SORCS2: variants seen among roughly 807,000 people sequenced by gnomAD.
SORCS2 encodes the protein VPS10 domain-containing receptor SorCS2.
A neutral mutation model predicts 141.6 loss-of-function variants in SORCS2; 100 were observed. That is an observed-to-expected ratio of 0.71 (90% confidence interval 0.60 to 0.83). The LOEUF (loss-of-function observed/expected upper bound fraction) is 0.83, where lower values mean the gene tolerates loss of function less well. Ranked by LOEUF, SORCS2 falls within the 40% of genes least tolerant of loss-of-function variation. The pLI, the probability that SORCS2 is intolerant of heterozygous loss-of-function variation, is 0.00. For missense variants in SORCS2, 1,646 were observed against 1,560.2 expected (o/e 1.05, Z -0.93); for synonymous variants, 789 against 676.9 (o/e 1.17, Z -2.57).
intron 1 of SORCS2, among the ~76,000 whole-genome samples, chr4:7,298,435 A>T (rs1179470400): frequency 6.6e-6 from 1 of 152,130 alleles, no homozygotes; most frequent in Non-Finnish European, 1.5e-5. Context: ...AACAGTGCAG[A>T]CTTTTCTGGA....
intron 23 of SORCS2, among the ~76,000 whole-genome samples, chr4:7,732,414 C>T (rs1478403405): frequency 6.6e-6 from 1 of 152,142 alleles, no homozygotes; most frequent in South Asian, 2.1e-4. Flanking sequence ...GGAGGAAGCC[C>T]TCCTCTGCGC....
At chr4:7,422,965 T>C (rs2109195552) in intron 2 of SORCS2, among the ~76,000 whole-genome samples, 1 of 152,024 alleles carries the variant, frequency 6.6e-6, no homozygotes, top group East Asian at 2.0e-4. Context: ...GGCCCTAGTA[T>C]GTACCCGCCC....
At position 7,653,250 on chromosome 4, in the gene SORCS2, AT is replaced by A. The variant is rs1006253530; in HGVS notation, c.814-874del. ...TTCCAAAGCTCCAACTAAAGACACA[AT>A]TTTTTTTTTCAGGTGGAGTTTTGCT... is the stretch of plus-strand genomic sequence containing the variant. On this transcript the variant is annotated intron_variant, in intron 4 of 26. Coordinates refer to ENST00000507866, the MANE Select transcript of SORCS2 (RefSeq NM_020777.3). 1.8e-3 allele frequency among the ~76,000 whole-genome samples: 277 copies of A among 150,710 alleles called. 3 individuals carry two copies. The highest frequency in any genetic ancestry group is 6.4e-3 in the African/African-American group (262 of 41,080).
rs139759183 is a variant in SORCS2 at position 7,734,805 on chromosome 4, G to A, written c.3311+431G>A. Among the ~76,000 whole-genome samples, 103 of 152,294 alleles carry A rather than the reference G, an allele frequency of 6.8e-4. 4 individuals are homozygous for A. Among genetic ancestry groups the A allele is most frequent in the Admixed American group, 6.5e-4 (10 of 15,304 alleles). On this transcript the variant is annotated intron_variant, in intron 25 of 26. Coordinates refer to ENST00000507866, the MANE Select transcript of SORCS2 (RefSeq NM_020777.3). ...GCCCACATCCCAGGGTTCCTCGGCC[G>A]CCCGCCCATCCCTTCCCTCCCCTCG... is the stretch of plus-strand genomic sequence containing the variant.
chr4:7,444,153 T>C (rs4345182), intron 2 of SORCS2, among the ~76,000 whole-genome samples: 16,481 of 152,296 alleles, frequency 0.11, 1,153 homozygotes, highest in Middle Eastern at 0.24. Context: ...TTCATACGCG[T>C]ATTCAGCAAT....
chr4:7,575,306 T>C (rs920534831), intron 3 of SORCS2, among the ~76,000 whole-genome samples: 2 of 152,262 alleles, frequency 1.3e-5, no homozygotes, highest in African/African-American at 4.8e-5. Context: ...TTTAGCAGTA[T>C]ATTTTATTTA....
At chr4:7,392,511 G>A (rs11737471) in intron 1 of SORCS2, among the ~76,000 whole-genome samples, 29,943 of 152,166 alleles carry the variant, frequency 0.2, 3,648 homozygotes, top group South Asian at 0.29. Context: ...GCTCTGTGCT[G>A]GGCTCACGGG....
intron 1 of SORCS2, among the ~76,000 whole-genome samples, chr4:7,199,555 G>C (rs889369729): frequency 2.6e-5 from 4 of 152,064 alleles, no homozygotes; most frequent in Admixed American, 1.3e-4. Flanking sequence ...GGTGTTTCCT[G>C]GCTGGGGTCC....
intron 2 of SORCS2, among the ~76,000 whole-genome samples, chr4:7,500,895 G>C (rs1178859075): frequency 2.0e-5 from 3 of 152,160 alleles, no homozygotes; most frequent in African/African-American, 7.2e-5. Context: ...TGAAACCCAG[G>C]ACAGAGCCCC....
chr4:7,730,578 C>T (rs775692239), intron 23 of SORCS2, among the ~76,000 whole-genome samples: 1 of 152,224 alleles, frequency 6.6e-6, no homozygotes, highest in Non-Finnish European at 1.5e-5. Flanking sequence ...GCCCTTGACA[C>T]CTCTGACAGC....
Position 7,193,212 on chromosome 4 carries a change from A to C in SORCS2, c.480+86A>C. On this transcript the variant is annotated intron_variant, in intron 1 of 26. Coordinates refer to ENST00000507866, the MANE Select transcript of SORCS2 (RefSeq NM_020777.3). This position sits in a 1 kb window ranked among gnomAD's most constrained non-coding sequence, Gnocchi z 4.8. The stretch of plus-strand genomic sequence containing the variant: ...GGGACCGCCACGGCCCCCACCCCAG[A>C]TCCCCACTATGGTCATCAGGGGCGG... 7.4e-7 allele frequency: 1 copy of C among 1,354,584 alleles called. No individual in the cohort carries two copies. Among genetic ancestry groups the C allele is most frequent in the Non-Finnish European group, 9.5e-7 (1 of 1,055,258 alleles). The allele number at this position is 1,354,584 out of a possible 1,614,324, so 83.9% of individuals were successfully genotyped here.
chr4:7,433,690 T>C, intron 2 of SORCS2: 2 of 1,612,630 alleles, frequency 1.2e-6, no homozygotes, highest in South Asian at 1.1e-5. Flanking sequence ...CTTGCACCCA[T>C]TGCAGAAGCT....
chr4:7,545,889 TG>T (rs1400922770), intron 3 of SORCS2, among the ~76,000 whole-genome samples: 2 of 152,240 alleles, frequency 1.3e-5, no homozygotes, highest in African/African-American at 4.8e-5. Flanking sequence ...CTCATAGCTC[TG>T]GGGTTTGAAA....
intron 2 of SORCS2, among the ~76,000 whole-genome samples, chr4:7,407,364 G>C (rs529380522): frequency 5.8e-4 from 88 of 152,216 alleles, no homozygotes; most frequent in African/African-American, 1.8e-3. Flanking sequence ...GGAGATTCGT[G>C]TTGAGGGCAT....
chr4:7,246,743 C>G (rs1713124673), intron 1 of SORCS2, among the ~76,000 whole-genome samples: 1 of 152,324 alleles, frequency 6.6e-6, no homozygotes, highest in African/African-American at 2.4e-5. Context: ...GCCTTCCCTT[C>G]CCTGGTGAGA....
chr4:7,550,308 T>C (rs1713600676), intron 3 of SORCS2, among the ~76,000 whole-genome samples: 3 of 152,134 alleles, frequency 2.0e-5, no homozygotes, highest in Admixed American at 6.5e-5. Context: ...GCCTGAGTTC[T>C]GGGCCTGTCC....
intron 1 of SORCS2, among the ~76,000 whole-genome samples, chr4:7,359,397 G>C (rs7662865): frequency 0.26 from 39,123 of 152,192 alleles, 5,954 homozygotes; most frequent in East Asian, 0.44. Context: ...GCCTCCCAAA[G>C]TGCTGAAACT....
At chr4:7,225,764 C>T (rs1473646316) in intron 1 of SORCS2, among the ~76,000 whole-genome samples, 2 of 152,224 alleles carry the variant, frequency 1.3e-5, no homozygotes, top group African/African-American at 4.8e-5. Flanking sequence ...CTCGGGGCCC[C>T]TGTGGTGGTT....
At chr4:7,512,517 C>A (rs1214561033) in intron 2 of SORCS2, among the ~76,000 whole-genome samples, 1 of 152,082 alleles carries the variant, frequency 6.6e-6, no homozygotes, top group African/African-American at 2.4e-5. Flanking sequence ...ACCCTTAGTG[C>A]CACGGGTGCC....
Sources: gnomAD v4.1 joint callset for allele counts (sites outside exome capture counted in the v4.1 genomes callset) on GRCh38, gnomAD v4.1.1 for gene constraint, Gnocchi (gnomAD v3.1) non-coding constraint, MANE v1.5 for transcripts, NCBI Gene and HGNC (gene_info 2026-07-23, HGNC 2026-07-21) for gene names.